TEAD1: variants seen among roughly 807,000 people sequenced by gnomAD.
TEAD1 encodes the protein transcriptional enhancer factor TEF-1.
Under a neutral mutation model 54.9 loss-of-function variants are expected in TEAD1, and 9 were observed. The ratio of observed to expected loss-of-function variants is 0.16; its 90% CI spans 0.10 to 0.29. TEAD1 has a LOEUF of 0.29. TEAD1 is among the 10% of genes least tolerant of loss of function. The probability of loss-of-function intolerance (pLI) is 1.00; values close to 1 mark genes in which losing one functional copy is unlikely to be tolerated. For synonymous variants in TEAD1, 200 were observed against 187.8 expected, an observed-to-expected ratio of 1.07 and a Z score of -0.53; for missense variants, 387 against 535.9, an observed-to-expected ratio of 0.72 and a Z score of 2.74.
chr11:12,887,289 G>A (rs1948111604), intron 9 of TEAD1, among the ~76,000 whole-genome samples: 1 of 151,950 alleles, frequency 6.6e-6, no homozygotes, highest in African/African-American at 2.4e-5. Flanking sequence ...GTGAGACAGG[G>A]TTTCACCGTG....
chr11:12,714,868 C>G (rs962268359), intron 2 of TEAD1, among the ~76,000 whole-genome samples: 1 of 152,136 alleles, frequency 6.6e-6, no homozygotes, highest in Non-Finnish European at 1.5e-5. Flanking sequence ...TGTAAGGACA[C>G]CAGTCACACT....
At chr11:12,887,058 C>A (rs1053691729) in intron 9 of TEAD1, among the ~76,000 whole-genome samples, 1 of 149,742 alleles carries the variant, frequency 6.7e-6, no homozygotes, top group South Asian at 2.1e-4. Flanking sequence ...TTAATATATG[C>A]AAATGAATGT....
chr11:12,686,644 A>G (rs1159037759), intron 2 of TEAD1, among the ~76,000 whole-genome samples: 2 of 152,262 alleles, frequency 1.3e-5, no homozygotes, highest in East Asian at 3.9e-4. Flanking sequence ...CACTCTTGAC[A>G]TTCTTAGGTT....
At chr11:12,891,395 T>C (rs531637209) in intron 9 of TEAD1, among the ~76,000 whole-genome samples, 1 of 152,296 alleles carries the variant, frequency 6.6e-6, no homozygotes, top group South Asian at 2.1e-4. Context: ...TGGTGGCTGA[T>C]GAGGACCAAA....
At chr11:12,857,393 G>T (rs1386783648) in intron 3 of TEAD1, among the ~76,000 whole-genome samples, 3 of 152,126 alleles carry the variant, frequency 2.0e-5, no homozygotes, top group African/African-American at 7.2e-5. Flanking sequence ...TTTTTATGTT[G>T]TAGAGAAGCT....
At chr11:12,772,885 T>A (rs1177022294) in intron 3 of TEAD1, among the ~76,000 whole-genome samples, 1 of 152,184 alleles carries the variant, frequency 6.6e-6, no homozygotes, top group Non-Finnish European at 1.5e-5. Flanking sequence ...GGTTCATGTC[T>A]CCACCGCCAC....
chr11:12,729,998 T>C (rs867752831), intron 2 of TEAD1, among the ~76,000 whole-genome samples: 14 of 152,204 alleles, frequency 9.2e-5, no homozygotes, highest in African/African-American at 3.4e-4. Flanking sequence ...AGTTTAACTT[T>C]GTATTACCTA....
In TEAD1 at chr11:12,792,374, A is replaced by AAG. The variant is rs1481966874; in HGVS notation, c.202+27940_202+27941insAG. 6.4e-3 allele frequency among the ~76,000 whole-genome samples: 959 copies of AAG among 150,870 alleles called. 14 individuals are homozygous for AAG. The highest frequency in any genetic ancestry group is 0.022 in the African/African-American group (912 of 40,928). ...AAATAGTAAAAAAAAAAAAAAAAAA[A>AAG]GTCCTATATAGTCCTATGAAGAAAG... On this transcript the variant is annotated intron_variant, in intron 3 of 12. Transcript: ENST00000527636.
intron 2 of TEAD1, among the ~76,000 whole-genome samples, chr11:12,709,456 A>G (rs1288107372): frequency 2.0e-5 from 3 of 151,818 alleles, no homozygotes; most frequent in African/African-American, 7.3e-5. Flanking sequence ...CTCAGGTTAC[A>G]CTTGAACTTC....
At chr11:12,751,455 G>C (rs1221429578) in intron 2 of TEAD1, among the ~76,000 whole-genome samples, 1 of 152,214 alleles carries the variant, frequency 6.6e-6, no homozygotes, top group Non-Finnish European at 1.5e-5. Context: ...ACACAGAGGA[G>C]TGGGGAAAGG....
At chr11:12,879,428 C>T (rs1045182178) in intron 5 of TEAD1, 18 of 595,094 alleles carry the variant, frequency 3.0e-5, no homozygotes, top group South Asian at 6.2e-5. Flanking sequence ...TAAATAAATA[C>T]GTTGTCCACT....
intron 3 of TEAD1, among the ~76,000 whole-genome samples, chr11:12,800,888 C>T (rs1252550144): frequency 6.6e-6 from 1 of 152,194 alleles, no homozygotes; most frequent in South Asian, 2.1e-4. Context: ...CTAAGTACCC[C>T]TTGTGAATGG....
chr11:12,924,907 A>T lies in TEAD1; in HGVS notation c.874-5A>T. 1 of 1,614,176 alleles carries T rather than the reference A, an allele frequency of 6.2e-7. No homozygotes were observed. Among genetic ancestry groups the T allele is most frequent in the East Asian group, 2.2e-5 (1 of 44,872 alleles). The stretch of plus-strand genomic sequence containing the variant: ...TAACCCACACCTCCATTTCCTTTCC[A>T]ACAGGCTGATTTAAACTGCAATATT... On this transcript the variant is annotated splice_polypyrimidine_tract_variant and splice_region_variant and intron_variant, in intron 10 of 12. Coordinates refer to ENST00000527636, the MANE Select transcript of TEAD1 (RefSeq NM_021961.6).
At chr11:12,708,634 A>G (rs888013730) in intron 2 of TEAD1, among the ~76,000 whole-genome samples, 3 of 152,140 alleles carry the variant, frequency 2.0e-5, no homozygotes, top group African/African-American at 7.2e-5. Flanking sequence ...TAAGGAAAGC[A>G]TTGTACAAGT....
At chr11:12,906,226 C>T (rs780856100) in intron 10 of TEAD1, among the ~76,000 whole-genome samples, 3 of 152,084 alleles carry the variant, frequency 2.0e-5, no homozygotes, top group Non-Finnish European at 4.4e-5. Context: ...AATTTATATA[C>T]TATAAAGATC....
intron 3 of TEAD1, among the ~76,000 whole-genome samples, chr11:12,796,371 T>C (rs999049342): frequency 6.6e-6 from 1 of 152,182 alleles, no homozygotes. Context: ...AGAGATGCTA[T>C]TGTGTTACTT....
intron 2 of TEAD1, among the ~76,000 whole-genome samples, chr11:12,682,360 G>A (rs781712331): frequency 1.3e-5 from 2 of 152,282 alleles, no homozygotes; most frequent in East Asian, 1.9e-4. Context: ...CATTTACCTC[G>A]TGGGAGTGTA....
At chr11:12,778,057 G>C (rs1003412168) in intron 3 of TEAD1, among the ~76,000 whole-genome samples, 1 of 152,150 alleles carries the variant, frequency 6.6e-6, no homozygotes, top group African/African-American at 2.4e-5. Flanking sequence ...GTACTGTTCT[G>C]AACACTTAGC....
intron 10 of TEAD1, among the ~76,000 whole-genome samples, chr11:12,918,861 G>T (rs1422077930): frequency 6.6e-6 from 1 of 152,170 alleles, no homozygotes. Flanking sequence ...CAAATAAAAT[G>T]CTGAGTAAAC....
Sources: allele counts gnomAD v4.1 joint callset (sites outside exome capture counted in the v4.1 genomes callset), GRCh38; gene constraint gnomAD v4.1.1; transcripts MANE v1.5; gene names NCBI Gene and HGNC (gene_info 2026-07-23, HGNC 2026-07-21).